CFAP69: variants seen among roughly 807,000 people sequenced by gnomAD.
CFAP69 encodes the protein cilia and flagella associated protein 69.
In CFAP69, 92 loss-of-function variants were observed where a neutral mutation model predicts 123.0. That is an observed-to-expected ratio of 0.75 (90% CI 0.63 to 0.89). CFAP69 has a LOEUF of 0.89. CFAP69 is among the 40% of genes least tolerant of loss of function. The probability of loss-of-function intolerance (pLI) is 0.00; values close to 1 mark genes in which losing one functional copy is unlikely to be tolerated. For missense variants in CFAP69, 1,067 were observed against 1,096.9 expected (o/e 0.97, Z 0.39); for synonymous variants, 380 against 364.3 (o/e 1.04, Z -0.49).
downstream of CFAP69, among the ~76,000 whole-genome samples, chr7:90,313,946 G>A (rs75036779): frequency 0.043 from 6,514 of 152,238 alleles, 154 homozygotes; most frequent in Middle Eastern, 0.082. Flanking sequence ...ACCACCAATG[G>A]CAAGTCACGT....
rs746476214 is a variant in CFAP69, at chr7:90,309,367, G to T, written c.2655G>T (p.Thr885=). The change falls in exon 22 of 23, where the codon ACG becomes ACT. Residue 885 remains threonine, a splice_region_variant and synonymous_variant. Transcript: ENST00000389297. ...CACATATTAAAGGCCTTAACACAAC[G>T]GTAAGATTCTTTCTCCATAACATTT... is the stretch of plus-strand genomic sequence containing the variant. ...HQTHIKGLNT[T]VPSGGVVTVE... The T allele has an allele frequency of 6.9e-7, 1 of 1,454,776 alleles. No individual in the cohort carries two copies. Among genetic ancestry groups the T allele is most frequent in the Non-Finnish European group, 9.4e-7 (1 of 1,063,094 alleles). 90.1% of individuals were successfully genotyped at this position (1,454,776 alleles called of 1,614,324 possible).
Position 90,271,605 on chromosome 7 carries a change from G to A in CFAP69, c.612G>A (p.Met204Ile). 1.2e-6 allele frequency: 2 copies of A among 1,613,642 alleles called. No individual in the cohort carries two copies. Among genetic ancestry groups the A allele is most frequent in the East Asian group, 2.2e-5 (1 of 44,864 alleles). Residue 204 changes from methionine to isoleucine, a missense_variant, in exon 7 of 23, where the codon ATG becomes ATA. Met to Ile is a conservative substitution (Grantham distance 10). Transcript: ENST00000389297. The stretch of plus-strand genomic sequence containing the variant: ...TAGCAAAAACAATGGTCCAGTCAAT[G>A]ACCTTGCTTGAAAATCAACTTGTTG... ...GGLAKTMVQS[M>I]TLLENQLVEK...
rs370960683 is a variant in CFAP69 at position 90,279,858 on chromosome 7, G to A, written c.1337G>A (p.Arg446Gln). ...TACATGTCATGCCAGGGAAATGCTC[G>A]AGTCCTTGCATTTCTAGAATGGTGT... ...EEYMSCQGNA[R>Q]VLAFLEWCES... Residue 446 changes from arginine to glutamine, a missense_variant, in exon 12 of 23, where the codon CGA becomes CAA. By Grantham distance (43) the Arg-to-Gln change is conservative. Coordinates refer to ENST00000389297, the MANE Select transcript of CFAP69 (RefSeq NM_001039706.3). 2.2e-5 allele frequency: 36 copies of A among 1,608,754 alleles called. No individual in the cohort carries two copies. The highest frequency in any genetic ancestry group is 8.9e-5 in the East Asian group (4 of 44,730).
rs770131536 is a variant in CFAP69, at chr7:90,271,872, T to A, written c.774T>A (p.Phe258Leu). The A allele has an allele frequency of 4.3e-6, 7 of 1,610,942 alleles. No homozygotes were observed. The South Asian group carries it at 7.7e-5, about 18-fold the overall frequency. Residue 258 changes from phenylalanine to leucine, a missense_variant, in exon 8 of 23, where the codon TTT becomes TTA. Physicochemically the swap from Phe to Leu is conservative, Grantham distance 22. Coordinates refer to ENST00000389297, the MANE Select transcript of CFAP69 (RefSeq NM_001039706.3). ...NDPDPSGQLL[F>L]RSSEILWNLL... Reference sequence around the variant, plus strand: ...CAGATCCCTCTGGACAGCTTTTATTTCGTTCATCAGAAATACTTTGGAACT... The same window carrying A: ...CAGATCCCTCTGGACAGCTTTTATTACGTTCATCAGAAATACTTTGGAACT...
intron 8 of CFAP69, 95 bp from the exon 9 acceptor site, chr7:90,273,892 C>T: frequency 1.0e-6 from 1 of 961,264 alleles, no homozygotes; most frequent in Non-Finnish European, 1.5e-6. Flanking sequence ...AAAACCATCA[C>T]ATTGGGGGTT....
chr7:90,308,961 C>CT (rs1471891237), intron 21 of CFAP69, among the ~76,000 whole-genome samples: 2 of 151,998 alleles, frequency 1.3e-5, no homozygotes, highest in East Asian at 1.9e-4. Context: ...AAATTATGTG[C>CT]TAAAAATTGA....
intron 5 of CFAP69, chr7:90,265,948 C>G (rs10248104): frequency 6.6e-6 from 1 of 151,886 alleles, no homozygotes; most frequent in Admixed American, 6.6e-5. Flanking sequence ...TCCTAGGAAA[C>G]TAGATCAGGG....
chr7:90,304,694 G>A, intron 18 of CFAP69, 50 bp from the exon 19 acceptor site: 1 of 1,535,830 alleles, frequency 6.5e-7, no homozygotes, highest in South Asian at 1.2e-5. Flanking sequence ...TAGATTCTTA[G>A]AATCACTTGC....
At chr7:90,308,686 A>G (rs1323497705) in intron 21 of CFAP69, among the ~76,000 whole-genome samples, 1 of 152,142 alleles carries the variant, frequency 6.6e-6, no homozygotes. Context: ...CTACTTATAA[A>G]ATGTCTTCCT....
the CFAP69 span, chr7:90,319,638 G>A: frequency 2.0e-5 from 8 of 398,560 alleles, no homozygotes; most frequent in Non-Finnish European, 3.1e-5. Context: ...TGATTCCTGG[G>A]CTGATGCTGG....
At chr7:90,297,872 G>A in intron 16 of CFAP69, 42 bp downstream of exon 16, 1 of 1,336,680 alleles carries the variant, frequency 7.5e-7, no homozygotes, top group Non-Finnish European at 1.0e-6. Context: ...AGACAAATAT[G>A]TCTATTAAAG....
chr7:90,284,477 C>T (rs1179858114), intron 13 of CFAP69, among the ~76,000 whole-genome samples: 11 of 152,122 alleles, frequency 7.2e-5, no homozygotes, highest in African/African-American at 2.7e-4. Flanking sequence ...ACTGGGGTTA[C>T]AAACATGTAT....
At chr7:90,306,612 G>GT (rs1399686349) in intron 19 of CFAP69, among the ~76,000 whole-genome samples, 1 of 152,178 alleles carries the variant, frequency 6.6e-6, no homozygotes, top group Non-Finnish European at 1.5e-5. Flanking sequence ...TGAAATCAAG[G>GT]TAACTATAAA....
In CFAP69 at chr7:90,245,236, C is replaced by A. The variant is rs1796186443; in HGVS notation, c.-189C>A. On this transcript the variant is annotated 5_prime_UTR_variant, in exon 1 of 23. Coordinates refer to ENST00000389297, the MANE Select transcript of CFAP69 (RefSeq NM_001039706.3). Reference sequence around the variant, plus strand: ...TCAGAGGTCTGGGTCAACTGGGGGGCGGCAGCGGCGCTAAGCGGACTGTAT... The same window carrying A: ...TCAGAGGTCTGGGTCAACTGGGGGGAGGCAGCGGCGCTAAGCGGACTGTAT... 6.3e-6 allele frequency: 4 copies of A among 635,488 alleles called. No homozygotes were observed. Among genetic ancestry groups the A allele is most frequent in the Non-Finnish European group, 7.1e-6 (3 of 423,570 alleles). The allele number at this position is 635,488 out of a possible 1,614,324, so 39.4% of individuals were successfully genotyped here.
chr7:90,292,245 T>G (rs956492740), intron 15 of CFAP69, among the ~76,000 whole-genome samples: 3 of 152,186 alleles, frequency 2.0e-5, no homozygotes, highest in Non-Finnish European at 2.9e-5. Context: ...GCCATGGGTT[T>G]GTACCCTCAC....
At chr7:90,282,342 C>A (rs185404857) in intron 12 of CFAP69, among the ~76,000 whole-genome samples, 1 of 152,136 alleles carries the variant, frequency 6.6e-6, no homozygotes, top group Non-Finnish European at 1.5e-5. Flanking sequence ...GAGCAAGACC[C>A]TGTCTCTTAA....
chr7:90,297,317 T>C (rs1298624338), intron 15 of CFAP69, among the ~76,000 whole-genome samples: 1 of 152,186 alleles, frequency 6.6e-6, no homozygotes, highest in African/African-American at 2.4e-5. Flanking sequence ...TGGCCTGAAC[T>C]AGTTTTTCAA....
intron 19 of CFAP69, among the ~76,000 whole-genome samples, chr7:90,306,467 G>C (rs1354158277): frequency 6.6e-6 from 1 of 152,178 alleles, no homozygotes; most frequent in Non-Finnish European, 1.5e-5. Flanking sequence ...AGGGTGGCTG[G>C]GTTCTAGGGT....
intron 13 of CFAP69, 57 bp downstream of exon 13, chr7:90,283,113 T>C (rs1789737136): frequency 1.6e-6 from 2 of 1,288,448 alleles, no homozygotes; most frequent in Non-Finnish European, 2.0e-6. Context: ...ATAGTAGTAG[T>C]TTTGTTTGAA....
Sources: allele counts gnomAD v4.1 joint callset (sites outside exome capture counted in the v4.1 genomes callset), GRCh38; gene constraint gnomAD v4.1.1; transcripts MANE v1.5; gene names NCBI Gene and HGNC (gene_info 2026-07-23, HGNC 2026-07-21).